The following REEP5 variants were observed in gnomAD, a reference collection of about 807,000 sequenced individuals.
REEP5 encodes receptor accessory protein 5, also known as receptor expression-enhancing protein 5.
REEP5 carries 24 observed loss-of-function variants against 22.4 expected under a neutral mutation model. That is an observed-to-expected ratio of 1.07 (90% confidence interval 0.78 to 1.51). REEP5 has a LOEUF of 1.51. Among genes scored for constraint, REEP5 ranks in the 40% most tolerant of loss-of-function variants. The probability of loss-of-function intolerance (pLI) is 0.00; values close to 1 mark genes in which losing one functional copy is unlikely to be tolerated. For synonymous variants in REEP5, 103 were observed against 88.6 expected (o/e 1.16, Z -0.92); for missense variants, 252 against 233.0 (o/e 1.08, Z -0.53).
rs1160230527 is a variant in REEP5, at chr5:112,876,954, A to T, written c.*1832T>A. On this transcript the variant is annotated 3_prime_UTR_variant, in exon 5 of 5. Coordinates refer to ENST00000379638, the MANE Select transcript of REEP5 (RefSeq NM_005669.5). ...TGATAATATATTCTATATGCTGTCA[A>T]TCTGATTATATAGTCTATATGCTAG... 6.6e-6 allele frequency: 1 copy of T among 152,152 alleles called. No homozygotes were observed. Among genetic ancestry groups the T allele is most frequent in the Non-Finnish European group, 1.5e-5 (1 of 68,014 alleles). 9.4% of individuals were successfully genotyped at this position (152,152 alleles called of 1,614,324 possible). A position where few individuals can be genotyped will look rare whatever the true frequency, so the allele number is the denominator to read the frequency against.
chr5:112,892,010 G>A, intron 3 of REEP5: 1 of 1,298,564 alleles, frequency 7.7e-7, no homozygotes, highest in South Asian at 1.2e-5. Flanking sequence ...AGGAAAGAGA[G>A]AGAAGAGGAG....
chr5:112,913,732 G>A (rs766156097), intron 2 of REEP5, among the ~76,000 whole-genome samples: 6 of 151,980 alleles, frequency 3.9e-5, no homozygotes, highest in African/African-American at 7.3e-5. Flanking sequence ...ATAACAATGC[G>A]GAATGTGGAC....
intron 3 of REEP5, among the ~76,000 whole-genome samples, chr5:112,887,722 C>T (rs536926138): frequency 6.6e-6 from 1 of 152,110 alleles, no homozygotes; most frequent in East Asian, 1.9e-4. Flanking sequence ...TACAGTTGTT[C>T]TTCATCTTTC....
intron 2 of REEP5, among the ~76,000 whole-genome samples, chr5:112,914,307 G>A (rs984788039): frequency 2.7e-5 from 4 of 150,926 alleles, no homozygotes; most frequent in Admixed American, 2.6e-4. Flanking sequence ...TGAGTGCAGT[G>A]GCATCAACAC....
At chr5:112,920,751 G>A (rs1199037185) in intron 2 of REEP5, among the ~76,000 whole-genome samples, 1 of 152,078 alleles carries the variant, frequency 6.6e-6, no homozygotes, top group Non-Finnish European at 1.5e-5. Flanking sequence ...ATGAATTAAG[G>A]AAGACCTAAT....
chr5:112,888,752 G>A (rs1306437367), intron 3 of REEP5, among the ~76,000 whole-genome samples: 1 of 150,932 alleles, frequency 6.6e-6, no homozygotes, highest in East Asian at 2.0e-4. Flanking sequence ...TAGGCATGGT[G>A]GCATGCACCT....
At chr5:112,880,442 G>A (rs1208192684) in intron 4 of REEP5, among the ~76,000 whole-genome samples, 2 of 151,730 alleles carry the variant, frequency 1.3e-5, no homozygotes, top group African/African-American at 4.9e-5. Flanking sequence ...TGGAGCCAGA[G>A]CCTTAGTGAT....
chr5:112,916,223 T>C (rs1400777103), intron 2 of REEP5, among the ~76,000 whole-genome samples: 1 of 149,928 alleles, frequency 6.7e-6, no homozygotes. Context: ...TGTGGTTAAC[T>C]GTGTTACAAC....
intron 2 of REEP5, among the ~76,000 whole-genome samples, chr5:112,918,846 G>T (rs924778413): frequency 6.6e-6 from 1 of 152,116 alleles, no homozygotes; most frequent in Admixed American, 6.5e-5. Context: ...CCCTCTCCCT[G>T]GCTCTGCTCT....
intron 4 of REEP5, among the ~76,000 whole-genome samples, chr5:112,883,049 T>C (rs1433967484): frequency 1.3e-5 from 2 of 152,190 alleles, no homozygotes; most frequent in African/African-American, 2.4e-5. Context: ...CAATTCACCC[T>C]CTCACTCCTA....
intron 2 of REEP5, among the ~76,000 whole-genome samples, chr5:112,920,735 G>C (rs1353598350): frequency 6.6e-6 from 1 of 152,056 alleles, no homozygotes; most frequent in Non-Finnish European, 1.5e-5. Context: ...CTCAATTAAC[G>C]TAATTATGAA....
At chr5:112,895,974 C>A (rs1455408793) in intron 3 of REEP5, 1 of 152,262 alleles carries the variant, frequency 6.6e-6, no homozygotes, top group Non-Finnish European at 1.5e-5. Context: ...TTACGAATTA[C>A]AACAGGCCAT....
intron 2 of REEP5, among the ~76,000 whole-genome samples, chr5:112,909,716 C>T (rs997752202): frequency 1.3e-5 from 2 of 152,188 alleles, no homozygotes; most frequent in African/African-American, 4.8e-5. Flanking sequence ...ACACTGGGCC[C>T]CAGTAACTGG....
intron 2 of REEP5, among the ~76,000 whole-genome samples, chr5:112,910,543 C>T (rs1199999777): frequency 1.3e-5 from 2 of 152,228 alleles, no homozygotes; most frequent in African/African-American, 4.8e-5. Flanking sequence ...TTATTACCAT[C>T]ATGCCATTTT....
chr5:112,883,318 T>A (rs1768134481), intron 4 of REEP5, among the ~76,000 whole-genome samples: 1 of 152,206 alleles, frequency 6.6e-6, no homozygotes, highest in South Asian at 2.1e-4. Flanking sequence ...TCAAAATCAC[T>A]AGTACCTTCC....
chr5:112,892,919 G>A (rs1197909405), intron 3 of REEP5: 1 of 1,606,794 alleles, frequency 6.2e-7, no homozygotes, highest in Non-Finnish European at 8.5e-7. Context: ...AATTCACCAA[G>A]CAGAGGAAGA....
intron 4 of REEP5, among the ~76,000 whole-genome samples, chr5:112,881,030 G>A (rs1310131853): frequency 6.6e-6 from 1 of 151,004 alleles, no homozygotes; most frequent in Non-Finnish European, 1.5e-5. Context: ...TTGGGAGGCT[G>A]AGGCAGCAGA....
chr5:112,902,647 G>T, intron 2 of REEP5, 129 bp from the exon 3 acceptor site: 1 of 732,496 alleles, frequency 1.4e-6, no homozygotes, highest in Non-Finnish European at 2.1e-6. Context: ...TGTGTCACTA[G>T]ATGCAAGAGT....
chr5:112,919,528 T>A (rs537032080), intron 2 of REEP5, among the ~76,000 whole-genome samples: 17 of 152,102 alleles, frequency 1.1e-4, no homozygotes, highest in Admixed American at 1.3e-4. Context: ...ATTACGACAC[T>A]GCACTCCAGC....
Sources: gnomAD v4.1 joint callset for allele counts (sites outside exome capture counted in the v4.1 genomes callset) on GRCh38, gnomAD v4.1.1 for gene constraint, MANE v1.5 for transcripts, NCBI Gene and HGNC (gene_info 2026-07-23, HGNC 2026-07-21) for gene names.